Variants in SLC11A2 observed in about 807,000 individuals in gnomAD.
SLC11A2 encodes the protein solute carrier family 11 member 2, also known as natural resistance-associated macrophage protein 2.
A neutral mutation model predicts 68.0 loss-of-function variants in SLC11A2; 38 were observed. That is an observed-to-expected ratio of 0.56 (90% confidence interval 0.43 to 0.73). SLC11A2 has a LOEUF of 0.73. SLC11A2 is among the 30% of genes least tolerant of loss of function. The probability of loss-of-function intolerance (pLI) is 0.00; values close to 1 mark genes in which losing one functional copy is unlikely to be tolerated. For synonymous variants in SLC11A2, 242 were observed against 250.6 expected (o/e 0.97, Z 0.32); for missense variants, 517 against 690.5 (o/e 0.75, Z 2.82).
At chr12:50,977,344 C>T (rs1378933409), downstream of SLC11A2, among the ~76,000 whole-genome samples, 3 of 152,140 alleles carry the variant, frequency 2.0e-5, no homozygotes, top group African/African-American at 7.2e-5. Flanking sequence ...TAATACCACA[C>T]ATCTACAACC....
intron 14 of SLC11A2, 112 bp from the exon 15 acceptor site, chr12:50,991,060 T>G (rs997412473): frequency 2.0e-6 from 2 of 982,456 alleles, no homozygotes; most frequent in Admixed American, 1.8e-5. Context: ...AAAATTGTTC[T>G]TAATTTGAAA....
At chr12:51,009,453 CTATTT>C in intron 2 of SLC11A2, 1 of 195,350 alleles carries the variant, frequency 5.1e-6, no homozygotes, top group Non-Finnish European at 9.3e-6. Context: ...CATCAAATGG[CTATTT>C]TGAATCACAA....
At chr12:50,964,062 C>T in the SLC11A2 span, among the ~76,000 whole-genome samples, 1 of 152,278 alleles carries the variant, frequency 6.6e-6, no homozygotes, top group South Asian at 2.1e-4. Context: ...CCTTTGATAT[C>T]CTATGACTTA....
intron 3 of SLC11A2, chr12:51,005,763 GC>G: frequency 1.7e-6 from 2 of 1,144,460 alleles, no homozygotes; most frequent in Non-Finnish European, 2.3e-6. Context: ...AAGGAAACAA[GC>G]CAGGTGTGGT....
chr12:51,015,715 A>G (rs542431397), intron 1 of SLC11A2, among the ~76,000 whole-genome samples: 25 of 152,294 alleles, frequency 1.6e-4, no homozygotes, highest in African/African-American at 5.5e-4. Flanking sequence ...CAACCCAGCA[A>G]TACTTTGATA....
intron 9 of SLC11A2, among the ~76,000 whole-genome samples, chr12:50,996,096 T>C (rs992581518): frequency 1.3e-5 from 2 of 152,208 alleles, no homozygotes; most frequent in African/African-American, 4.8e-5. Flanking sequence ...AAAAACGACC[T>C]GATTTCAGTC....
the SLC11A2 span, among the ~76,000 whole-genome samples, chr12:50,969,813 G>C: frequency 6.6e-6 from 1 of 152,104 alleles, no homozygotes; most frequent in African/African-American, 2.4e-5. Flanking sequence ...AACTGAGACA[G>C]GTATGGGCTG....
rs914193414 is a variant in SLC11A2 at position 50,987,509 on chromosome 12, A to T, written c.*816T>A. The T allele has an allele frequency of 1.1e-5, 14 of 1,287,110 alleles. No individual in the cohort carries two copies. In the African/African-American group the frequency reaches 2.0e-4, roughly 18 times the overall value. The allele number at this position is 1,287,110 out of a possible 1,614,324, so 79.7% of individuals were successfully genotyped here. On this transcript the variant is annotated 3_prime_UTR_variant, in exon 16 of 16. Coordinates refer to ENST00000262052, the MANE Select transcript of SLC11A2 (RefSeq NM_000617.3). ...TCTGTTTCTATCACCACCCTCCTGGAGAAAGAAAGTTAAGGTTTTACAACC... is the reference window on the plus strand; with the variant it reads ...TCTGTTTCTATCACCACCCTCCTGGTGAAAGAAAGTTAAGGTTTTACAACC...
At chr12:51,001,235 T>A (rs1942193300) in intron 5 of SLC11A2, among the ~76,000 whole-genome samples, 1 of 150,694 alleles carries the variant, frequency 6.6e-6, no homozygotes, top group South Asian at 2.1e-4. Flanking sequence ...CACTTTGGGA[T>A]GCCAACGTAG....
At chr12:51,001,451 G>A (rs889165365) in intron 5 of SLC11A2, among the ~76,000 whole-genome samples, 1 of 151,782 alleles carries the variant, frequency 6.6e-6, no homozygotes, top group African/African-American at 2.4e-5. Context: ...GCTTAATATC[G>A]GGGTGATGTA....
intron 1 of SLC11A2, chr12:51,025,862 G>A (rs1944348409): frequency 1.0e-6 from 1 of 988,268 alleles, no homozygotes; most frequent in Non-Finnish European, 1.2e-6. Context: ...TTGAAGCGGG[G>A]CGGCGGGAGG....
chr12:51,025,812 G>C (rs1944343353), intron 1 of SLC11A2: 2 of 986,404 alleles, frequency 2.0e-6, no homozygotes, highest in African/African-American at 1.7e-5. Flanking sequence ...TCACACAGAA[G>C]GCGCTCCCTG....
chr12:50,959,506 TCTTA>T, the SLC11A2 span, among the ~76,000 whole-genome samples: 1 of 152,226 alleles, frequency 6.6e-6, no homozygotes, highest in Non-Finnish European at 1.5e-5. Flanking sequence ...TGCATTTAAC[TCTTA>T]CTTATCCAAA....
At chr12:51,023,887 A>G (rs1481548325) in intron 1 of SLC11A2, among the ~76,000 whole-genome samples, 1 of 151,866 alleles carries the variant, frequency 6.6e-6, no homozygotes, top group East Asian at 1.9e-4. Flanking sequence ...GCTACTAGGG[A>G]GGCTGTGGCA....
At chr12:51,007,908 T>C (rs1669396860) in intron 3 of SLC11A2, among the ~76,000 whole-genome samples, 1 of 152,218 alleles carries the variant, frequency 6.6e-6, no homozygotes, top group Admixed American at 6.5e-5. Flanking sequence ...CCCAAAGTGC[T>C]GGGATTACAG....
In SLC11A2 at chr12:50,992,395, T is replaced by C. The variant is rs989454198; in HGVS notation, c.1198-56A>G. ...CTGCAACAGGAAACAAAAAAAAGTT[T>C]TGGGGAGGTTCAGGAGAGACCTCAG... On this transcript the variant is annotated intron_variant, in intron 12 of 15. Transcript: ENST00000262052. 62 of 1,561,492 alleles carry C rather than the reference T, an allele frequency of 4.0e-5. 1 individual carries two copies. In the Admixed American group the frequency reaches 9.7e-4, roughly 24 times the overall value.
At chr12:50,999,066 TATA>T in intron 8 of SLC11A2, 105 bp downstream of exon 8, 1 of 959,094 alleles carries the variant, frequency 1.0e-6, no homozygotes, top group Non-Finnish European at 1.6e-6. Context: ...ATACACCCAC[TATA>T]AGTGAATCAT....
rs1055821766 is a variant in SLC11A2, at chr12:50,987,529, A to G, written c.*796T>C. The G allele has an allele frequency of 1.1e-5, 14 of 1,287,250 alleles. No individual in the cohort carries two copies. Among genetic ancestry groups the G allele is most frequent in the Non-Finnish European group, 1.3e-5 (13 of 988,698 alleles). The allele number at this position is 1,287,250 out of a possible 1,614,324, so 79.7% of individuals were successfully genotyped here. A position where few individuals can be genotyped will look rare whatever the true frequency, so the allele number is the denominator to read the frequency against. ...CCTGGAGAAAGAAAGTTAAGGTTTT[A>G]CAACCACATGTGCTCAAGAGTAAAT... On this transcript the variant is annotated 3_prime_UTR_variant, in exon 16 of 16. Transcript: ENST00000262052.
chr12:50,993,060 C>T lies in SLC11A2; in HGVS notation c.1078-131G>A, dbSNP rs1941331714. On this transcript the variant is annotated intron_variant, in intron 11 of 15. Transcript: ENST00000262052. The stretch of plus-strand genomic sequence containing the variant: ...CCAACACCAAGTGCTGTGCTGCGCA[C>T]TGTGCCAGAAGCTAGGCTCAAGTCT... 2.9e-6 allele frequency: 3 copies of T among 1,029,468 alleles called. No homozygotes were observed. The East Asian group carries it at 7.8e-5, about 27-fold the overall frequency. 63.8% of individuals were successfully genotyped at this position (1,029,468 alleles called of 1,614,324 possible). A position where few individuals can be genotyped will look rare whatever the true frequency, so the allele number is the denominator to read the frequency against.
Sources: gnomAD v4.1 joint callset for allele counts (sites outside exome capture counted in the v4.1 genomes callset) on GRCh38, gnomAD v4.1.1 for gene constraint, MANE v1.5 for transcripts, NCBI Gene and HGNC (gene_info 2026-07-23, HGNC 2026-07-21) for gene names.